SNX29: variants seen among roughly 807,000 people sequenced by gnomAD.
SNX29 encodes the protein sorting nexin-29.
SNX29 carries 78 observed loss-of-function variants against 102.1 expected under a neutral mutation model. That is an observed-to-expected ratio of 0.76 (90% CI 0.64 to 0.92). SNX29 has a LOEUF of 0.92. SNX29 is among the 40% of genes least tolerant of loss of function. The pLI is 0.00. For synonymous variants in SNX29, 580 were observed against 414.5 expected, an observed-to-expected ratio of 1.40 and a Z score of -4.85; for missense variants, 1,280 against 1,061.7, an observed-to-expected ratio of 1.21 and a Z score of -2.86.
chr16:12,263,624 A>G (rs114437984), intron 14 of SNX29, among the ~76,000 whole-genome samples: 1,579 of 152,338 alleles, frequency 0.01, 20 homozygotes, highest in African/African-American at 0.036. Context: ...CAGTGAACAT[A>G]TGTTACTTAT....
At chr16:12,296,788 T>G in intron 15 of SNX29, among the ~76,000 whole-genome samples, 1 of 152,240 alleles carries the variant, frequency 6.6e-6, no homozygotes, top group East Asian at 1.9e-4. Context: ...AACACTTTAA[T>G]GAAGGGTAAA....
At chr16:12,207,587 G>A (rs769613736) in intron 14 of SNX29, among the ~76,000 whole-genome samples, 3 of 151,984 alleles carry the variant, frequency 2.0e-5, no homozygotes, top group Admixed American at 6.6e-5. Context: ...TTGCTGTTAC[G>A]TTTGTCTCAT....
rs368286771 is a variant in SNX29, at chr16:12,328,969, A to G, written c.1783-27194A>G. On this transcript the variant is annotated intron_variant, in intron 15 of 20. Transcript: ENST00000566228. Reference sequence around the variant, plus strand: ...TTCATCCTTGGTGGGCTTTTCATCTACAGTGACAAAATAACCCCCTGGCCA... The same window carrying G: ...TTCATCCTTGGTGGGCTTTTCATCTGCAGTGACAAAATAACCCCCTGGCCA... Among the ~76,000 whole-genome samples the G allele has an allele frequency of 9.2e-5, 14 of 152,104 alleles. No homozygotes were observed. In the East Asian group the frequency reaches 1.4e-3, roughly 15 times the overall value.
intron 14 of SNX29, among the ~76,000 whole-genome samples, chr16:12,217,700 G>A (rs1045494788): frequency 1.3e-5 from 2 of 152,106 alleles, no homozygotes; most frequent in South Asian, 4.2e-4. Flanking sequence ...ATGAATGATT[G>A]GATTTACCAT....
chr16:12,411,833 C>T (rs2084408859), intron 18 of SNX29, among the ~76,000 whole-genome samples: 1 of 152,152 alleles, frequency 6.6e-6, no homozygotes, highest in African/African-American at 2.4e-5. Flanking sequence ...AATGCTTGGG[C>T]CATAGCTACT....
intron 19 of SNX29, among the ~76,000 whole-genome samples, chr16:12,502,587 A>C (rs780804717): frequency 4.6e-5 from 7 of 152,346 alleles, no homozygotes; most frequent in Non-Finnish European, 8.8e-5. Flanking sequence ...ACTGAGGTTC[A>C]GAGTGGCCTG....
At chr16:12,543,109 C>T (rs564759292) in intron 20 of SNX29, among the ~76,000 whole-genome samples, 4 of 152,294 alleles carry the variant, frequency 2.6e-5, no homozygotes, top group East Asian at 3.9e-4. Flanking sequence ...TGGATCCTGG[C>T]AGCTGCGTAT....
chr16:12,111,490 G>A (rs1173360142), intron 11 of SNX29, among the ~76,000 whole-genome samples: 1 of 152,126 alleles, frequency 6.6e-6, no homozygotes, highest in Non-Finnish European at 1.5e-5. Context: ...TTCCCTCCCT[G>A]CGCAGGAGTC....
At chr16:12,097,803 C>A (rs919897086) in intron 11 of SNX29, among the ~76,000 whole-genome samples, 1 of 152,156 alleles carries the variant, frequency 6.6e-6, no homozygotes, top group African/African-American at 2.4e-5. Flanking sequence ...GGATGAGACG[C>A]GGTCAGACTT....
At chr16:12,215,387 A>T (rs937242750) in intron 14 of SNX29, among the ~76,000 whole-genome samples, 1 of 151,806 alleles carries the variant, frequency 6.6e-6, no homozygotes, top group African/African-American at 2.4e-5. Flanking sequence ...CATGCACTCT[A>T]TGTAAGTATT....
At chr16:12,359,689 C>T (rs1010315809) in intron 16 of SNX29, among the ~76,000 whole-genome samples, 1 of 152,214 alleles carries the variant, frequency 6.6e-6, no homozygotes, top group African/African-American at 2.4e-5. Context: ...TCTTGCTTTG[C>T]TCATACTCTA....
At chr16:12,370,653 G>C (rs1346127302) in intron 16 of SNX29, among the ~76,000 whole-genome samples, 1 of 152,210 alleles carries the variant, frequency 6.6e-6, no homozygotes, top group African/African-American at 2.4e-5. Context: ...AGCACCAAGG[G>C]CATCTTCCGG....
At chr16:12,246,156 G>T (rs1236201393) in intron 14 of SNX29, among the ~76,000 whole-genome samples, 1 of 152,078 alleles carries the variant, frequency 6.6e-6, no homozygotes, top group Admixed American at 6.6e-5. Context: ...TTATCCTTCC[G>T]TTGGAGTCTG....
At chr16:12,474,832 C>G (rs903420665) in intron 18 of SNX29, among the ~76,000 whole-genome samples, 2 of 152,176 alleles carry the variant, frequency 1.3e-5, no homozygotes, top group African/African-American at 2.4e-5. Context: ...TTGGAAGGTG[C>G]TAGGGCCTGT....
intron 18 of SNX29, among the ~76,000 whole-genome samples, chr16:12,425,182 G>A (rs1272686077): frequency 6.6e-6 from 1 of 152,240 alleles, no homozygotes; most frequent in Non-Finnish European, 1.5e-5. Flanking sequence ...GGGGTATGGT[G>A]CAGCTCGGCT....
chr16:12,414,951 A>G (rs7192549), intron 18 of SNX29, among the ~76,000 whole-genome samples: 87,434 of 151,996 alleles, frequency 0.58, 25,487 homozygotes, highest in Non-Finnish European at 0.63. Context: ...TCGAACTCCT[A>G]ACCTCAAATG....
chr16:12,027,014 C>A (rs905601326), intron 3 of SNX29, among the ~76,000 whole-genome samples: 2 of 152,168 alleles, frequency 1.3e-5, no homozygotes, highest in Admixed American at 1.3e-4. Context: ...ACTTTTCCCC[C>A]CTCTGCACCC....
Position 12,216,811 on chromosome 16 carries a change from C to A in SNX29, c.1678+17128C>A, listed in dbSNP as rs2077337556. ...ATTTCTGTTGCTAAGTCTTCAAGTT[C>A]ATTCATCTTCTCCATTTCTAGTGCT... On this transcript the variant is annotated intron_variant, in intron 14 of 20. Coordinates refer to ENST00000566228, the MANE Select transcript of SNX29 (RefSeq NM_032167.5). Among the ~76,000 whole-genome samples the A allele has an allele frequency of 4.9e-5, 7 of 143,576 alleles. No individual in the cohort carries two copies. In the Admixed American group the frequency reaches 5.4e-4, roughly 11 times the overall value. 94.2% of individuals were successfully genotyped at this position (143,576 alleles called of 152,430 possible).
intron 18 of SNX29, among the ~76,000 whole-genome samples, chr16:12,445,441 G>T (rs1249180503): frequency 6.6e-6 from 1 of 152,176 alleles, no homozygotes; most frequent in Non-Finnish European, 1.5e-5. Context: ...ATCTCCCCAG[G>T]AGGCTGGGGC....
Sources: allele counts gnomAD v4.1 joint callset (sites outside exome capture counted in the v4.1 genomes callset), GRCh38; gene constraint gnomAD v4.1.1; transcripts MANE v1.5; gene names NCBI Gene and HGNC (gene_info 2026-07-23, HGNC 2026-07-21).